PLD5: variants seen among roughly 807,000 people sequenced by gnomAD.
The protein encoded by PLD5 is inactive phospholipase D5.
A neutral mutation model predicts 61.1 loss-of-function variants in PLD5; 36 were observed. The observed-to-expected ratio is 0.59, with a 90% CI of 0.45 to 0.78. The LOEUF is 0.78. Ranked by LOEUF, PLD5 falls within the 30% of genes least tolerant of loss-of-function variation. PLD5 has a pLI of 0.00. For missense variants in PLD5, 515 were observed against 644.4 expected, an observed-to-expected ratio of 0.80 and a Z score of 2.17; for synonymous variants, 243 against 242.8, an observed-to-expected ratio of 1.00 and a Z score of -0.01.
At position 242,148,804 on chromosome 1, in the gene PLD5, G is replaced by C. The variant is rs575765943; in HGVS notation, c.736-24139C>G. Among the ~76,000 whole-genome samples, 9 of 151,856 alleles carry C rather than the reference G, an allele frequency of 5.9e-5. No individual in the cohort carries two copies. The South Asian group carries it at 1.9e-3, about 32-fold the overall frequency. ...TTGGGAACATTGATTTTTGTCTATA[G>C]AAACACTGTATATAGAAAACATAAC... On this transcript the variant is annotated intron_variant, in intron 5 of 9. Coordinates refer to ENST00000536534, the MANE Select transcript of PLD5 (RefSeq NM_001372062.1).
At chr1:242,134,457 T>A (rs2148768743) in intron 5 of PLD5, among the ~76,000 whole-genome samples, 1 of 152,210 alleles carries the variant, frequency 6.6e-6, no homozygotes, top group South Asian at 2.1e-4. Flanking sequence ...CTACTTTCCT[T>A]TACAGCCAAG....
At chr1:242,130,566 ACAG>A (rs1663158466) in intron 5 of PLD5, among the ~76,000 whole-genome samples, 1 of 152,222 alleles carries the variant, frequency 6.6e-6, no homozygotes, top group South Asian at 2.1e-4. Context: ...ATTCCCACCA[ACAG>A]TGTATAAGGA....
At chr1:242,476,350 C>T (rs1054083935) in intron 1 of PLD5, among the ~76,000 whole-genome samples, 3 of 150,612 alleles carry the variant, frequency 2.0e-5, no homozygotes, top group Non-Finnish European at 3.0e-5. Flanking sequence ...AGTGAAACTC[C>T]GTCTCAAAAA....
chr1:242,330,024 G>A (rs77862730), intron 2 of PLD5, among the ~76,000 whole-genome samples: 4 of 152,030 alleles, frequency 2.6e-5, no homozygotes, highest in Non-Finnish European at 5.9e-5. Context: ...TTGTAAGACA[G>A]TTTTTTTAAA....
chr1:242,141,555 TA>T (rs35827662), intron 5 of PLD5, among the ~76,000 whole-genome samples: 16 of 152,356 alleles, frequency 1.1e-4, no homozygotes, highest in Admixed American at 1.0e-3. Context: ...CAGGCAGTTT[TA>T]ATTCCTTCTA....
intron 5 of PLD5, among the ~76,000 whole-genome samples, chr1:242,163,245 G>A (rs1267362975): frequency 6.7e-6 from 1 of 148,588 alleles, no homozygotes; most frequent in Non-Finnish European, 1.5e-5. Flanking sequence ...CCGGGTTCAT[G>A]CCATTCTCCT....
chr1:242,116,498 C>T lies in PLD5; in HGVS notation c.934-2472G>A, dbSNP rs538899021. 1.7e-4 allele frequency among the ~76,000 whole-genome samples: 26 copies of T among 152,250 alleles called. No homozygotes were observed. In the South Asian group the frequency reaches 4.6e-3, roughly 27 times the overall value. On this transcript the variant is annotated intron_variant, in intron 6 of 9. Transcript: ENST00000536534. ...TATTATGTGATGCTGAGGTTTGAGG[C>T]ACAACTGATCCCGTCACCCAGGTAG...
intron 5 of PLD5, among the ~76,000 whole-genome samples, chr1:242,183,593 C>T (rs2148907525): frequency 6.6e-6 from 1 of 152,224 alleles, no homozygotes; most frequent in East Asian, 1.9e-4. Flanking sequence ...CATGACATCC[C>T]TAAGCCAAAA....
chr1:242,224,449 T>G (rs1406880229), intron 4 of PLD5, among the ~76,000 whole-genome samples: 2 of 152,178 alleles, frequency 1.3e-5, no homozygotes, highest in African/African-American at 4.8e-5. Context: ...ATAGTTATTT[T>G]TATGACCCAG....
At chr1:242,526,851 T>C (rs1221786518), upstream of PLD5, among the ~76,000 whole-genome samples, 2 of 152,194 alleles carry the variant, frequency 1.3e-5, no homozygotes, top group Non-Finnish European at 2.9e-5. Context: ...CAGTCTTTTA[T>C]AATATTGTTA....
At chr1:242,466,874 C>G (rs1184064091) in intron 1 of PLD5, among the ~76,000 whole-genome samples, 1 of 147,054 alleles carries the variant, frequency 6.8e-6, no homozygotes, top group African/African-American at 2.5e-5. Flanking sequence ...GCCTGCGGTA[C>G]AGAGTGAGAC....
intron 2 of PLD5, among the ~76,000 whole-genome samples, chr1:242,346,213 C>A (rs1309632396): frequency 1.4e-5 from 2 of 147,096 alleles, no homozygotes; most frequent in East Asian, 3.9e-4. Flanking sequence ...ATAGCCAGAC[C>A]CTAATTCCAG....
intron 1 of PLD5, among the ~76,000 whole-genome samples, chr1:242,398,582 T>TA (rs934260952): frequency 6.6e-6 from 1 of 152,234 alleles, no homozygotes; most frequent in Non-Finnish European, 1.5e-5. Flanking sequence ...TAATCATAGA[T>TA]ACCACGGTTT....
chr1:242,419,083 A>C (rs1333876223), intron 1 of PLD5, among the ~76,000 whole-genome samples: 1 of 152,184 alleles, frequency 6.6e-6, no homozygotes, highest in East Asian at 1.9e-4. Context: ...ACCTCCTGTG[A>C]TCCTCCTAAG....
At chr1:242,298,822 A>G (rs1218256046) in intron 2 of PLD5, among the ~76,000 whole-genome samples, 2 of 152,188 alleles carry the variant, frequency 1.3e-5, no homozygotes, top group South Asian at 4.1e-4. Flanking sequence ...CTGGCTTAAT[A>G]TTTCTAACTA....
At chr1:242,397,588 G>C (rs997697938) in intron 1 of PLD5, among the ~76,000 whole-genome samples, 1 of 152,070 alleles carries the variant, frequency 6.6e-6, no homozygotes, top group African/African-American at 2.4e-5. Flanking sequence ...TGTTTCAATA[G>C]GGATAAGAGA....
At chr1:242,239,642 C>T (rs1470609693) in intron 4 of PLD5, among the ~76,000 whole-genome samples, 7 of 152,160 alleles carry the variant, frequency 4.6e-5, no homozygotes, top group Non-Finnish European at 8.8e-5. Flanking sequence ...GCGGGAGGTG[C>T]CTGACTGCAC....
At position 242,253,973 on chromosome 1, in the gene PLD5, T is replaced by C. The variant is rs894358838; in HGVS notation, c.607+11364A>G. ...ACGGAAAACACAGATGGGGAGTCACTGGTGTCACCAGCTGAACAATTCCAA... is the reference window on the plus strand; with the variant it reads ...ACGGAAAACACAGATGGGGAGTCACCGGTGTCACCAGCTGAACAATTCCAA... On this transcript the variant is annotated intron_variant, in intron 4 of 9. Coordinates refer to ENST00000536534, the MANE Select transcript of PLD5 (RefSeq NM_001372062.1). Among the ~76,000 whole-genome samples, 23 of 152,324 alleles carry C rather than the reference T, an allele frequency of 1.5e-4. 1 individual carries two copies. The highest frequency in any genetic ancestry group is 5.1e-4 in the African/African-American group (21 of 41,564).
chr1:242,378,419 G>C (rs1026512641), intron 1 of PLD5, among the ~76,000 whole-genome samples: 1 of 152,190 alleles, frequency 6.6e-6, no homozygotes, highest in Admixed American at 6.5e-5. Flanking sequence ...GATGAAAAGA[G>C]TTCTGTGGAT....
Sources: gnomAD v4.1 joint callset for allele counts (sites outside exome capture counted in the v4.1 genomes callset) on GRCh38, gnomAD v4.1.1 for gene constraint, MANE v1.5 for transcripts, NCBI Gene and HGNC (gene_info 2026-07-23, HGNC 2026-07-21) for gene names.